Variants in PHLPP1 observed in about 807,000 individuals in gnomAD.
PHLPP1 encodes PH domain and leucine rich repeat protein phosphatase 1, also known as PH domain leucine-rich repeat-containing protein phosphatase 1.
Under a neutral mutation model 117.2 loss-of-function variants are expected in PHLPP1, and 42 were observed. The ratio of observed to expected loss-of-function variants is 0.36; its 90% CI spans 0.28 to 0.46. The LOEUF (loss-of-function observed/expected upper bound fraction) is 0.46. Among genes scored for constraint, PHLPP1 ranks in the 20% least tolerant of loss-of-function variants. The pLI is 1.00. For synonymous variants in PHLPP1, 1,042 were observed against 970.7 expected (o/e 1.07, Z -1.37); for missense variants, 2,084 against 2,241.9 (o/e 0.93, Z 1.42).
intron 1 of PHLPP1, among the ~76,000 whole-genome samples, chr18:62,754,657 G>T (rs1911957394): frequency 6.6e-6 from 1 of 152,178 alleles, no homozygotes; most frequent in African/African-American, 2.4e-5. Flanking sequence ...TCAGAAGGGA[G>T]GGCTGCTTAG....
At chr18:62,894,361 A>T (rs1369107430) in intron 4 of PHLPP1, among the ~76,000 whole-genome samples, 1 of 151,766 alleles carries the variant, frequency 6.6e-6, no homozygotes, top group African/African-American at 2.4e-5. Context: ...AGGCCCGGCT[A>T]ATTTTTTGTG....
At chr18:62,732,233 G>C (rs1190529073) in intron 1 of PHLPP1, among the ~76,000 whole-genome samples, 1 of 152,154 alleles carries the variant, frequency 6.6e-6, no homozygotes, top group African/African-American at 2.4e-5. Context: ...TCCTTCAAAG[G>C]ATAGGCTGAC....
chr18:62,743,128 C>T (rs1211892570), intron 1 of PHLPP1, among the ~76,000 whole-genome samples: 1 of 151,896 alleles, frequency 6.6e-6, no homozygotes, highest in Non-Finnish European at 1.5e-5. Context: ...CTTACAAAGT[C>T]AATTATTTTT....
At chr18:62,920,647 C>T (rs918189677) in intron 10 of PHLPP1, among the ~76,000 whole-genome samples, 7 of 151,674 alleles carry the variant, frequency 4.6e-5, no homozygotes, top group African/African-American at 1.7e-4. Flanking sequence ...GGAACCTCTG[C>T]CTCCCAGGTT....
chr18:62,855,978 T>A (rs1568139386), intron 3 of PHLPP1, among the ~76,000 whole-genome samples: 1 of 152,172 alleles, frequency 6.6e-6, no homozygotes, highest in African/African-American at 2.4e-5. Flanking sequence ...AGAAAAATCC[T>A]TTCCTTTATG....
chr18:62,918,553 C>T (rs947211582), intron 9 of PHLPP1, among the ~76,000 whole-genome samples: 2 of 151,924 alleles, frequency 1.3e-5, no homozygotes. Flanking sequence ...TGTCTTGTCA[C>T]ACTGATAGCT....
At chr18:62,722,087 C>T (rs1215982953) in intron 1 of PHLPP1, among the ~76,000 whole-genome samples, 1 of 152,156 alleles carries the variant, frequency 6.6e-6, no homozygotes, top group East Asian at 1.9e-4. Flanking sequence ...CACACATACA[C>T]ACAGCGGCAT....
At chr18:62,726,321 C>CTT in intron 1 of PHLPP1, among the ~76,000 whole-genome samples, 1 of 139,594 alleles carries the variant, frequency 7.2e-6, no homozygotes, top group South Asian at 2.2e-4. Context: ...CCCTTGCCTG[C>CTT]TTTTTTTTTT....
chr18:62,952,069 C>T (rs189367759), intron 12 of PHLPP1, among the ~76,000 whole-genome samples: 212 of 152,046 alleles, frequency 1.4e-3, no homozygotes, highest in African/African-American at 3.4e-3. Flanking sequence ...CCACCCGCCT[C>T]GGCCTCCCAA....
At chr18:62,945,547 C>G (rs1910257197) in intron 12 of PHLPP1, among the ~76,000 whole-genome samples, 1 of 152,156 alleles carries the variant, frequency 6.6e-6, no homozygotes, top group Admixed American at 6.5e-5. Flanking sequence ...CATAGCCACC[C>G]TATACTTCTT....
chr18:62,850,829 T>C (rs1426480487), intron 3 of PHLPP1, among the ~76,000 whole-genome samples: 1 of 152,190 alleles, frequency 6.6e-6, no homozygotes, highest in Non-Finnish European at 1.5e-5. Context: ...ATTTTCACTT[T>C]TGGCCGCATG....
At chr18:62,836,138 AAATT>A (rs1185891765) in intron 2 of PHLPP1, among the ~76,000 whole-genome samples, 2 of 151,478 alleles carry the variant, frequency 1.3e-5, no homozygotes, top group Admixed American at 6.6e-5. Flanking sequence ...ATAAATAAAT[AAATT>A]AATTAATTAA....
intron 2 of PHLPP1, chr18:62,832,207 G>A (rs559265818): frequency 6.6e-6 from 1 of 152,324 alleles, no homozygotes; most frequent in South Asian, 2.1e-4. Flanking sequence ...AACCCTGCCT[G>A]CCTTTGAAGA....
intron 12 of PHLPP1, among the ~76,000 whole-genome samples, chr18:62,949,418 A>G (rs1224880522): frequency 6.6e-6 from 1 of 152,224 alleles, no homozygotes; most frequent in African/African-American, 2.4e-5. Flanking sequence ...TATTTGCACC[A>G]TCTAATCTTG....
chr18:62,935,253 T>C (rs899564516), intron 10 of PHLPP1, among the ~76,000 whole-genome samples: 1 of 152,168 alleles, frequency 6.6e-6, no homozygotes, highest in African/African-American at 2.4e-5. Context: ...TTGGAAGACA[T>C]ATTATATTGG....
At chr18:62,836,365 G>A (rs1218503134) in intron 2 of PHLPP1, among the ~76,000 whole-genome samples, 2 of 151,564 alleles carry the variant, frequency 1.3e-5, no homozygotes, top group Non-Finnish European at 2.9e-5. Flanking sequence ...CTGGGAGGCA[G>A]AGGTTGCAGT....
chr18:62,921,588 A>G (rs1909472711), intron 10 of PHLPP1, among the ~76,000 whole-genome samples: 1 of 152,212 alleles, frequency 6.6e-6, no homozygotes, highest in South Asian at 2.1e-4. Context: ...TTATAGTTTT[A>G]TCATCAACAT....
At chr18:62,766,150 G>A (rs2144258506) in intron 1 of PHLPP1, among the ~76,000 whole-genome samples, 1 of 129,450 alleles carries the variant, frequency 7.7e-6, no homozygotes, top group African/African-American at 2.9e-5. Flanking sequence ...AGATAATAAT[G>A]TAAGATGAAT....
chr18:62,955,505 T>A (rs1177937239), intron 12 of PHLPP1, among the ~76,000 whole-genome samples: 1 of 152,072 alleles, frequency 6.6e-6, no homozygotes, highest in Non-Finnish European at 1.5e-5. Flanking sequence ...TCCAGGGTAG[T>A]GGAGCTCGAC....
Sources: gnomAD v4.1 joint callset for allele counts (sites outside exome capture counted in the v4.1 genomes callset) on GRCh38, gnomAD v4.1.1 for gene constraint, MANE v1.5 for transcripts, NCBI Gene and HGNC (gene_info 2026-07-23, HGNC 2026-07-21) for gene names.